Variants in CCDC39 observed in about 807,000 individuals in gnomAD.
The protein encoded by CCDC39 is coiled-coil domain-containing protein 39.
In CCDC39, 113 loss-of-function variants were observed where a neutral mutation model predicts 121.0. The ratio of observed to expected loss-of-function variants is 0.93; its 90% CI spans 0.80 to 1.09. CCDC39 has a LOEUF of 1.09. Ranked by LOEUF, CCDC39 falls within the 50% of genes least tolerant of loss-of-function variation. The probability of loss-of-function intolerance (pLI) is 0.00; values close to 1 mark genes in which losing one functional copy is unlikely to be tolerated. For missense variants in CCDC39, 1,063 were observed against 1,074.7 expected (o/e 0.99, Z 0.15); for synonymous variants, 349 against 352.2 (o/e 0.99, Z 0.10).
At chr3:180,661,781 GAA>G (rs960073687) in intron 3 of CCDC39, 78 bp downstream of exon 3, 11 of 1,203,406 alleles carry the variant, frequency 9.1e-6, no homozygotes, top group Admixed American at 2.6e-5. Context: ...TCCCATACAA[GAA>G]AAAAAAAAGT....
At position 180,620,047 on chromosome 3, in the gene CCDC39, C is replaced by A. The variant is rs1284776188; in HGVS notation, c.1999-77G>T. On this transcript the variant is annotated intron_variant, in intron 14 of 19. Transcript: ENST00000476379. Reference sequence around the variant, plus strand: ...AAATGCCTAATGGCTGTCTTTGGAGCAGAAAATAGTTGACTTGTGACAATA... The same window carrying A: ...AAATGCCTAATGGCTGTCTTTGGAGAAGAAAATAGTTGACTTGTGACAATA... 11 of 1,134,634 alleles carry A rather than the reference C, an allele frequency of 9.7e-6. No homozygotes were observed. In the East Asian group the frequency reaches 2.7e-4, roughly 28 times the overall value. The allele number at this position is 1,134,634 out of a possible 1,614,324, so 70.3% of individuals were successfully genotyped here. A position where few individuals can be genotyped will look rare whatever the true frequency, so the allele number is the denominator to read the frequency against.
At chr3:180,675,581 A>G (rs1712173336) in intron 1 of CCDC39, among the ~76,000 whole-genome samples, 1 of 152,086 alleles carries the variant, frequency 6.6e-6, no homozygotes. Context: ...TTAGGGTGTC[A>G]ATTTTAGATC....
chr3:180,652,767 C>T (rs535223524), intron 7 of CCDC39, among the ~76,000 whole-genome samples: 1 of 151,704 alleles, frequency 6.6e-6, no homozygotes, highest in Non-Finnish European at 1.5e-5. Context: ...TTGCAAAAAC[C>T]CTAAACTCTC....
At position 180,646,371 on chromosome 3, in the gene CCDC39, G is replaced by A. The variant is rs558407069; in HGVS notation, c.1527+708C>T. Among the ~76,000 whole-genome samples the A allele has an allele frequency of 4.6e-5, 7 of 151,952 alleles. No individual in the cohort carries two copies. In the East Asian group the frequency reaches 1.4e-3, roughly 29 times the overall value. On this transcript the variant is annotated intron_variant, in intron 11 of 19. Transcript: ENST00000476379. Reference sequence around the variant, plus strand: ...ATAACCACCAGAGGACACATCAATAGTCTTTCCAGTGGTAAATAACAATTA... The same window carrying A: ...ATAACCACCAGAGGACACATCAATAATCTTTCCAGTGGTAAATAACAATTA...
In CCDC39 at chr3:180,678,347, A is replaced by T. The variant is rs145520753; in HGVS notation, c.90+944T>A. ...TTCCATTGTTTTCAAAAGGTAGAGTAACAGGATTTTCATTTTCCTTTTTTA... is the reference window on the plus strand; with the variant it reads ...TTCCATTGTTTTCAAAAGGTAGAGTTACAGGATTTTCATTTTCCTTTTTTA... On this transcript the variant is annotated intron_variant, in intron 1 of 19. Transcript: ENST00000476379. 4.7e-3 allele frequency among the ~76,000 whole-genome samples: 711 copies of T among 152,322 alleles called. 5 individuals are homozygous for T. The highest frequency in any genetic ancestry group is 0.016 in the African/African-American group (680 of 41,566).
Position 180,614,822 on chromosome 3 carries a change from T to C in CCDC39, c.*99A>G. The C allele has an allele frequency of 8.9e-7, 1 of 1,122,222 alleles. No homozygotes were observed. The highest frequency in any genetic ancestry group is 2.7e-5 in the East Asian group (1 of 37,306). The allele number at this position is 1,122,222 out of a possible 1,614,324, so 69.5% of individuals were successfully genotyped here. ...CAGTTTTTACACTTACCACTAAGTTTTTACACTTTCCACTAGATAAAATGT... is the reference window on the plus strand; with the variant it reads ...CAGTTTTTACACTTACCACTAAGTTCTTACACTTTCCACTAGATAAAATGT... On this transcript the variant is annotated 3_prime_UTR_variant, in exon 20 of 20. Transcript: ENST00000476379.
chr3:180,648,456 C>A, intron 9 of CCDC39, 97 bp from the exon 10 acceptor site: 4 of 857,966 alleles, frequency 4.7e-6, no homozygotes, highest in Non-Finnish European at 6.8e-6. Context: ...AAATTTGAAC[C>A]CTCCACTATT....
In CCDC39 at chr3:180,652,151, T is replaced by C. The variant is rs1183661182; in HGVS notation, c.1034+12A>G. On this transcript the variant is annotated intron_variant, in intron 8 of 19. Transcript: ENST00000476379. Reference sequence around the variant, plus strand: ...AATAATCATAAACATATTTAGATAGTTTTTTTCTTACCTTGCTGTTTCTTC... The same window carrying C: ...AATAATCATAAACATATTTAGATAGCTTTTTTCTTACCTTGCTGTTTCTTC... The C allele has an allele frequency of 4.4e-6, 6 of 1,358,288 alleles. No individual in the cohort carries two copies. The highest frequency in any genetic ancestry group is 2.2e-4 in the Middle Eastern group (1 of 4,494). The allele number at this position is 1,358,288 out of a possible 1,614,324, so 84.1% of individuals were successfully genotyped here.
At chr3:180,660,183 A>G (rs1163009920) in intron 4 of CCDC39, among the ~76,000 whole-genome samples, 2 of 152,252 alleles carry the variant, frequency 1.3e-5, no homozygotes, top group Non-Finnish European at 1.5e-5. Flanking sequence ...GTCTCAAATC[A>G]GCAAAAACTA....
At position 180,616,571 on chromosome 3, in the gene CCDC39, TCAA is replaced by T; in HGVS notation, c.2528_2530del (p.Val843del). The T allele has an allele frequency of 6.2e-7, 1 of 1,601,054 alleles. No homozygotes were observed. The highest frequency in any genetic ancestry group is 8.5e-7 in the Non-Finnish European group (1 of 1,174,148). On this transcript the variant is annotated inframe_deletion, in exon 18 of 20. Coordinates refer to ENST00000476379, the MANE Select transcript of CCDC39 (RefSeq NM_181426.2). ...GATCTCAGTATTTTCTTCTATGATA[TCAA>T]CTAACATTTCATCAATAACTTTGTG...
intron 1 of CCDC39, among the ~76,000 whole-genome samples, chr3:180,669,116 A>C (rs1396863400): frequency 1.3e-5 from 2 of 152,086 alleles, no homozygotes; most frequent in East Asian, 1.9e-4. Flanking sequence ...TAAATAGTTT[A>C]TCTCTCTCCT....
chr3:180,662,257 A>G (rs1711759872), intron 2 of CCDC39, among the ~76,000 whole-genome samples: 1 of 152,124 alleles, frequency 6.6e-6, no homozygotes, highest in African/African-American at 2.4e-5. Context: ...TTCAGATACT[A>G]CGCTGGTCTA....
At chr3:180,620,976 A>G (rs908269392) in intron 14 of CCDC39, among the ~76,000 whole-genome samples, 1 of 151,918 alleles carries the variant, frequency 6.6e-6, no homozygotes, top group Non-Finnish European at 1.5e-5. Flanking sequence ...CTCCATGTGT[A>G]CGCGTTATTT....
Position 180,628,713 on chromosome 3 carries a change from G to GT in CCDC39, c.1998+2755dup, listed in dbSNP as rs368253376. ...ATAAACAATATATAAATGAATAAGT[G>GT]TATGTATTTTGTCTTCCAGTACTTA... On this transcript the variant is annotated intron_variant, in intron 14 of 19. Coordinates refer to ENST00000476379, the MANE Select transcript of CCDC39 (RefSeq NM_181426.2). Among the ~76,000 whole-genome samples the GT allele has an allele frequency of 3.4e-3, 519 of 152,302 alleles. 9 individuals are homozygous for GT. Among genetic ancestry groups the GT allele is most frequent in the African/African-American group, 0.012 (486 of 41,552 alleles).
chr3:180,617,368 A>T, intron 16 of CCDC39: 1 of 568,546 alleles, frequency 1.8e-6, no homozygotes, highest in Non-Finnish European at 3.1e-6. Context: ...ATATACTTTT[A>T]TTATTTTACA....
chr3:180,659,520 T>TTA lies in CCDC39; in HGVS notation c.669_670insTA (p.Ile224Ter), dbSNP rs1711686356. On this transcript the variant is annotated frameshift_variant, in exon 6 of 20. Coordinates refer to ENST00000476379, the MANE Select transcript of CCDC39 (RefSeq NM_181426.2). LOFTEE classifies it high-confidence loss of function. ...TCTATTGTGTTCTCCCATTGTTTAA[T>TTA]GAGTTCTTGTCTTTCATTATGAATC... 6.2e-7 allele frequency: 1 copy of TTA among 1,613,324 alleles called. No homozygotes were observed. Among genetic ancestry groups the TTA allele is most frequent in the East Asian group, 2.2e-5 (1 of 44,796 alleles).
chr3:180,634,651 C>T (rs544409362), intron 13 of CCDC39, among the ~76,000 whole-genome samples: 9 of 152,284 alleles, frequency 5.9e-5, no homozygotes, highest in African/African-American at 1.9e-4. Context: ...AGCCAGCACT[C>T]AGGTGAGAGA....
chr3:180,677,809 C>T (rs923853157), intron 1 of CCDC39, among the ~76,000 whole-genome samples: 6 of 152,212 alleles, frequency 3.9e-5, no homozygotes, highest in Admixed American at 2.6e-4. Context: ...TTCTACAGTA[C>T]AGTGGACACT....
At chr3:180,650,892 C>G (rs1275598602) in intron 9 of CCDC39, among the ~76,000 whole-genome samples, 2 of 151,384 alleles carry the variant, frequency 1.3e-5, no homozygotes, top group African/African-American at 4.9e-5. Context: ...AAAATAAATA[C>G]AAAGACATCA....
Sources: gnomAD v4.1 joint callset for allele counts (sites outside exome capture counted in the v4.1 genomes callset) on GRCh38, gnomAD v4.1.1 for gene constraint, MANE v1.5 for transcripts, NCBI Gene and HGNC (gene_info 2026-07-23, HGNC 2026-07-21) for gene names.